GRIK5: variants seen among roughly 807,000 people sequenced by gnomAD.
The protein encoded by GRIK5 is glutamate receptor ionotropic, kainate 5.
GRIK5 carries 43 observed loss-of-function variants against 97.4 expected under a neutral mutation model. The ratio of observed to expected loss-of-function variants is 0.44; its 90% confidence interval spans 0.35 to 0.57. The LOEUF (loss-of-function observed/expected upper bound fraction) is 0.57. Among genes scored for constraint, GRIK5 ranks in the 20% least tolerant of loss-of-function variants. The probability of loss-of-function intolerance (pLI) is 0.01; values close to 1 mark genes in which losing one functional copy is unlikely to be tolerated. For missense variants in GRIK5, 1,015 were observed against 1,382.0 expected (o/e 0.73, Z 4.21); for synonymous variants, 580 against 583.5 (o/e 0.99, Z 0.09).
intron 11 of GRIK5, 37 bp downstream of exon 11, chr19:42,053,565 C>T: frequency 4.1e-6 from 5 of 1,228,572 alleles, no homozygotes; most frequent in Non-Finnish European, 4.8e-6. Context: ...GGGCTCAGGG[C>T]AGCGCCACTC....
chr19:42,005,836 T>A lies in GRIK5; in HGVS notation c.2150A>T (p.Tyr717Phe). The change falls in exon 17 of 20, where the codon TAC becomes TTC. Residue 717 changes from tyrosine (Y) to phenylalanine (F), a missense_variant. Tyr to Phe is a conservative substitution (Grantham distance 22). This residue lies in a region of GRIK5 where 229 missense variants were observed against 341.0 expected (regional missense o/e 0.67). Transcript: ENST00000593562. ...EGIARVLNSR[Y>F]AFLLESTMNE... The stretch of plus-strand genomic sequence containing the variant: ...CATGGTGGACTCGAGCAGGAAGGCG[T>A]AGCGGGAGTTGAGGACGCGGGCAAT... 6.2e-7 allele frequency: 1 copy of A among 1,613,446 alleles called. No individual in the cohort carries two copies. Among genetic ancestry groups the A allele is most frequent in the South Asian group, 1.1e-5 (1 of 91,048 alleles).
At position 42,042,533 on chromosome 19, in the gene GRIK5, G is replaced by A. The variant is rs2306396; in HGVS notation, c.1473+19C>T. Reference sequence around the variant, plus strand: ...CTCGCCGGGTCCATGCATCTTTCCCGGCCCCAGTCCAGCCATACCCGGTTG... The same window carrying A: ...CTCGCCGGGTCCATGCATCTTTCCCAGCCCCAGTCCAGCCATACCCGGTTG... On this transcript the variant is annotated intron_variant, in intron 12 of 19. Transcript: ENST00000593562. This position sits in a 1 kb window ranked among gnomAD's most constrained non-coding sequence, Gnocchi z 6.9. 1.7e-4 allele frequency: 267 copies of A among 1,593,078 alleles called. No homozygotes were observed. The East Asian group carries it at 3.3e-3, about 20-fold the overall frequency.
At position 42,069,824 on chromosome 19, in the gene GRIK5, C is replaced by G. The variant is rs981627057; in HGVS notation, c.-634G>C. Among the ~76,000 whole-genome samples, 1 of 151,970 alleles carries G rather than the reference C, an allele frequency of 6.6e-6. No homozygotes were observed. Among genetic ancestry groups the G allele is most frequent in the African/African-American group, 2.4e-5 (1 of 41,392 alleles). ...GGCCCGGAGTCCTCAAGCCCTCAGC[C>G]CCCACGGGAAAAGCATGCTGGGGGC... On this transcript the variant is annotated 5_prime_UTR_variant, in exon 1 of 20. Coordinates refer to ENST00000593562, the MANE Select transcript of GRIK5 (RefSeq NM_002088.5).
chr19:42,022,220 T>G lies in GRIK5; in HGVS notation c.1587+21A>C, dbSNP rs2075708388. 1.9e-6 allele frequency: 3 copies of G among 1,573,784 alleles called. No individual in the cohort carries two copies. On this transcript the variant is annotated intron_variant, in intron 13 of 19. Transcript: ENST00000593562. The surrounding 1 kb of genome is among the most constrained non-coding windows in gnomAD (Gnocchi z 4.2). The stretch of plus-strand genomic sequence containing the variant: ...GCCTCCATGCCAGGCAAGCAGCCCA[T>G]GGTCTCCAGGGGAACCATACCATGT...
chr19:42,022,360 G>A lies in GRIK5; in HGVS notation c.1474-6C>T. 6.2e-7 allele frequency: 1 copy of A among 1,610,732 alleles called. No individual in the cohort carries two copies. The highest frequency in any genetic ancestry group is 8.5e-7 in the Non-Finnish European group (1 of 1,177,394). ...GCCACAGCCAGGTCTGCCTTCTGCT[G>A]GAGGGGAAGCCGGGCAGGGGTGGAG... On this transcript the variant is annotated splice_region_variant and splice_polypyrimidine_tract_variant and intron_variant, in intron 12 of 19. Coordinates refer to ENST00000593562, the MANE Select transcript of GRIK5 (RefSeq NM_002088.5). This position sits in a 1 kb window ranked among gnomAD's most constrained non-coding sequence, Gnocchi z 4.2.
chr19:42,068,085 T>C (rs2076363417), intron 1 of GRIK5, among the ~76,000 whole-genome samples: 1 of 151,356 alleles, frequency 6.6e-6, no homozygotes, highest in African/African-American at 2.4e-5. Context: ...AGAGGGCCAG[T>C]CGGAAAGAGA....
chr19:42,023,142 G>A (rs994446545), intron 12 of GRIK5, among the ~76,000 whole-genome samples: 5 of 151,982 alleles, frequency 3.3e-5, no homozygotes, highest in South Asian at 2.1e-4. Flanking sequence ...ATCCAGGGTC[G>A]GGGAGAAAGG....
chr19:41,998,792 C>A lies in GRIK5; in HGVS notation c.*79G>T. On this transcript the variant is annotated 3_prime_UTR_variant, in exon 20 of 20. Transcript: ENST00000593562. ...CACAAGTCCTGTCCCGCGCCCGCTG[C>A]GGGAGCGGAGACTGCTGGGGCCTGG... The A allele has an allele frequency of 1.4e-6, 1 of 721,884 alleles. No homozygotes were observed. The highest frequency in any genetic ancestry group is 1.7e-6 in the Non-Finnish European group (1 of 573,026). The allele number at this position is 721,884 out of a possible 1,614,324, so 44.7% of individuals were successfully genotyped here.
chr19:42,041,535 T>C (rs1482767766), intron 12 of GRIK5, among the ~76,000 whole-genome samples: 1 of 152,148 alleles, frequency 6.6e-6, no homozygotes, highest in Non-Finnish European at 1.5e-5. Context: ...AGGGGAAAAC[T>C]GAGGTTCAGA....
intron 12 of GRIK5, among the ~76,000 whole-genome samples, chr19:42,040,227 T>A (rs904357699): frequency 2.7e-4 from 41 of 152,182 alleles, no homozygotes; most frequent in Non-Finnish European, 1.5e-5. Context: ...TGCCACACTT[T>A]GCTGGCCCCA....
intron 19 of GRIK5, among the ~76,000 whole-genome samples, chr19:42,000,485 G>A (rs2075415181): frequency 6.6e-6 from 1 of 152,210 alleles, no homozygotes; most frequent in African/African-American, 2.4e-5. Context: ...CGAGCAACTG[G>A]AAGGACCAAA....
rs372874063 is a variant in GRIK5, at chr19:42,007,380, C to T, written c.1872-570G>A. Among the ~76,000 whole-genome samples, 7 of 152,254 alleles carry T rather than the reference C, an allele frequency of 4.6e-5. No homozygotes were observed. The East Asian group carries it at 9.6e-4, about 21-fold the overall frequency. ...AAAGTGCTGGGATTACAGGAGTGAG[C>T]GACCACGCCCGGCCAGGAAACTATT... On this transcript the variant is annotated intron_variant, in intron 15 of 19. Coordinates refer to ENST00000593562, the MANE Select transcript of GRIK5 (RefSeq NM_002088.5).
intron 15 of GRIK5, among the ~76,000 whole-genome samples, chr19:42,019,788 G>A (rs976191014): frequency 3.9e-5 from 6 of 152,250 alleles, no homozygotes; most frequent in African/African-American, 1.4e-4. Flanking sequence ...GAAAAGGTAA[G>A]GAAACAGATT....
Position 42,062,647 on chromosome 19 carries a change from G to A in GRIK5, c.349C>T (p.His117Tyr), listed in dbSNP as rs1219835920. 1 of 1,614,074 alleles carries A rather than the reference G, an allele frequency of 6.2e-7. No individual in the cohort carries two copies. Among genetic ancestry groups the A allele is most frequent in the Non-Finnish European group, 8.5e-7 (1 of 1,179,990 alleles). ...SHICGEKEIP[H>Y]IKVGPEETPR... Reference sequence around the variant, plus strand: ...GTCTCCTCGGGACCCACCTTGATGTGGGGGATCTGGACAGAGAGGAAACTT... The same window carrying A: ...GTCTCCTCGGGACCCACCTTGATGTAGGGGATCTGGACAGAGAGGAAACTT... The change falls in exon 5 of 20, where the codon CAC becomes TAC. Residue 117 changes from histidine (H) to tyrosine (Y), a missense_variant. Physicochemically the swap from His to Tyr is moderately conservative, Grantham distance 83. Coordinates refer to ENST00000593562, the MANE Select transcript of GRIK5 (RefSeq NM_002088.5). This position sits in a 1 kb window ranked among gnomAD's most constrained non-coding sequence, Gnocchi z 5.3.
In GRIK5 at chr19:42,069,658, G is replaced by A. The variant is rs1008019441; in HGVS notation, c.-468C>T. On this transcript the variant is annotated 5_prime_UTR_variant, in exon 1 of 20. Transcript: ENST00000593562. ...TCCCCTAGCCGGGCCGGCCTGGGGG[G>A]GCCACAGGGGGCGAGGACTGGGTGG... 1.3e-5 allele frequency among the ~76,000 whole-genome samples: 2 copies of A among 149,356 alleles called. No homozygotes were observed. The highest frequency in any genetic ancestry group is 1.3e-4 in the Admixed American group (2 of 15,144).
At chr19:42,038,626 G>T (rs1216654897) in intron 12 of GRIK5, among the ~76,000 whole-genome samples, 1 of 152,254 alleles carries the variant, frequency 6.6e-6, no homozygotes, top group African/African-American at 2.4e-5. Flanking sequence ...TTCCCAGCTG[G>T]AGGGCTGGAA....
intron 12 of GRIK5, among the ~76,000 whole-genome samples, chr19:42,031,494 G>A (rs1470259085): frequency 6.6e-6 from 1 of 152,118 alleles, no homozygotes; most frequent in East Asian, 1.9e-4. Flanking sequence ...CACAGGGTGG[G>A]ACCATGGCCC....
intron 12 of GRIK5, among the ~76,000 whole-genome samples, chr19:42,029,394 G>A (rs1395540964): frequency 1.3e-5 from 2 of 151,418 alleles, no homozygotes; most frequent in African/African-American, 2.4e-5. Context: ...AATTAACTGA[G>A]CATAGGTGTT....
intron 12 of GRIK5, among the ~76,000 whole-genome samples, chr19:42,034,852 T>C (rs1038178802): frequency 2.4e-5 from 3 of 124,498 alleles, no homozygotes; most frequent in African/African-American, 9.0e-5. Flanking sequence ...ACATCAGCAG[T>C]TGGGGCGGGG....
Sources: gnomAD v4.1 joint callset for allele counts (sites outside exome capture counted in the v4.1 genomes callset) on GRCh38, gnomAD v4.1.1 for gene constraint, gnomAD v4.1.1 regional missense constraint, Gnocchi (gnomAD v3.1) non-coding constraint, MANE v1.5 for transcripts, NCBI Gene and HGNC (gene_info 2026-07-23, HGNC 2026-07-21) for gene names.